SKIL: variants seen among roughly 807,000 people sequenced by gnomAD.
SKIL encodes the protein SKI like proto-oncogene.
Under a neutral mutation model 69.6 loss-of-function variants are expected in SKIL, and 20 were observed. The observed-to-expected ratio is 0.29, with a 90% CI of 0.20 to 0.42. SKIL has a LOEUF of 0.42. Ranked by LOEUF, SKIL falls within the 10% of genes least tolerant of loss-of-function variation. The pLI is 1.00. For missense variants in SKIL, 745 were observed against 783.1 expected, an observed-to-expected ratio of 0.95 and a Z score of 0.58; for synonymous variants, 310 against 279.9, an observed-to-expected ratio of 1.11 and a Z score of -1.08.
At chr3:170,381,148 A>G (rs1255069689) in intron 2 of SKIL, 96 bp from the exon 3 acceptor site, 4 of 720,528 alleles carry the variant, frequency 5.6e-6, no homozygotes, top group Non-Finnish European at 1.0e-5. Flanking sequence ...AAATAATGTT[A>G]GTTGTCTTTA....
chr3:170,381,535 C>G (rs978458351), intron 3 of SKIL, among the ~76,000 whole-genome samples, 194 bp downstream of exon 3: 4 of 151,996 alleles, frequency 2.6e-5, no homozygotes, highest in African/African-American at 9.7e-5. Flanking sequence ...CGGGTTCAAG[C>G]GATTCTCCTG....
intron 4 of SKIL, among the ~76,000 whole-genome samples, chr3:170,387,111 G>A (rs547098362): frequency 2.3e-3 from 348 of 151,816 alleles, no homozygotes; most frequent in South Asian, 3.3e-3. Context: ...TCTGCCTCCC[G>A]GGTTCAAGCG....
intron 2 of SKIL, among the ~76,000 whole-genome samples, chr3:170,376,886 A>G (rs1737059920): frequency 6.6e-6 from 1 of 152,162 alleles, no homozygotes; most frequent in Admixed American, 6.5e-5. Flanking sequence ...GGCCAACTCA[A>G]GATTCTTAAA....
rs1350604269 is a variant in SKIL, at chr3:170,395,082, G to C, written c.*2665G>C. On this transcript the variant is annotated 3_prime_UTR_variant, in exon 7 of 7. Transcript: ENST00000259119. ...AAAGGGACAACCTATAAAAAGTTTTGCTAGCTCATCTTTAGAAGGAAGAAA... is the reference window on the plus strand; with the variant it reads ...AAAGGGACAACCTATAAAAAGTTTTCCTAGCTCATCTTTAGAAGGAAGAAA... The C allele has an allele frequency of 6.6e-6, 1 of 152,126 alleles. No homozygotes were observed. The highest frequency in any genetic ancestry group is 1.5e-5 in the Non-Finnish European group (1 of 67,986). The allele number at this position is 152,126 out of a possible 1,614,324, so 9.4% of individuals were successfully genotyped here.
chr3:170,360,409 C>T lies in SKIL; in HGVS notation c.78C>T (p.Ser26=), dbSNP rs915851726. ...KKLNGMGDDG[S]PPAKKMITDI... is the part of the protein sequence containing the mutation. ...TGAATGGGATGGGAGATGATGGCAG[C>T]CCCCCAGCGAAAAAAATGATAACGG... is the stretch of plus-strand genomic sequence containing the variant. Residue 26 remains serine, a synonymous_variant, in exon 2 of 7, where the codon AGC becomes AGT. Transcript: ENST00000259119. 1.9e-6 allele frequency: 3 copies of T among 1,611,308 alleles called. No individual in the cohort carries two copies. Among genetic ancestry groups the T allele is most frequent in the African/African-American group, 1.3e-5 (1 of 74,848 alleles).
chr3:170,365,851 A>G (rs1489607170), intron 2 of SKIL, among the ~76,000 whole-genome samples: 2 of 147,576 alleles, frequency 1.4e-5, no homozygotes, highest in African/African-American at 2.5e-5. Context: ...CGCCTCCTGG[A>G]TTCAAGCGAT....
chr3:170,378,553 C>CTTTTTTTTTT lies in SKIL; in HGVS notation c.1099-2685_1099-2676dup, dbSNP rs373084445. ...TGGGAATTGGACTCTCTCTCTCTCTCTTTTTTTTTTTTTTTGGAGACAAAG... is the reference window on the plus strand; with the variant it reads ...TGGGAATTGGACTCTCTCTCTCTCTCTTTTTTTTTTTTTTTTTTTTTTTTTGGAGACAAAG... On this transcript the variant is annotated intron_variant, in intron 2 of 6. Transcript: ENST00000259119. Among the ~76,000 whole-genome samples, 27 of 118,994 alleles carry CTTTTTTTTTT rather than the reference C, an allele frequency of 2.3e-4. 3 individuals carry two copies. The highest frequency in any genetic ancestry group is 2.7e-4 in the East Asian group (1 of 3,764). The allele number at this position is 118,994 out of a possible 152,430, so 78.1% of individuals were successfully genotyped here.
intron 2 of SKIL, among the ~76,000 whole-genome samples, chr3:170,365,561 A>G (rs1353834169): frequency 6.6e-6 from 1 of 152,158 alleles, no homozygotes; most frequent in Non-Finnish European, 1.5e-5. Context: ...GATAAGGGAT[A>G]TTCAGCCTCT....
At chr3:170,359,484 G>C (rs1286230648) in intron 1 of SKIL, 1 of 152,004 alleles carries the variant, frequency 6.6e-6, no homozygotes. Flanking sequence ...TGTAGTCCCA[G>C]CTACTCCGGA....
In SKIL at chr3:170,361,083, C is replaced by T. The variant is rs1397497159; in HGVS notation, c.752C>T (p.Ser251Leu). ...GGTAGCGTACTTCCTGCTAAAAGCT[C>T]ATTGGCCCAGTTAAAGGAAACTGGC... Reference protein sequence around the residue: ...QNGSVLPAKSSLAQLKETGSA... With the variant: ...QNGSVLPAKSLLAQLKETGSA... The change falls in exon 2 of 7, where the codon TCA becomes TTA. Residue 251 changes from serine (S) to leucine (L), a missense_variant. By Grantham distance (145) the Ser-to-Leu change is moderately radical. Coordinates refer to ENST00000259119, the MANE Select transcript of SKIL (RefSeq NM_005414.5). 3 of 1,614,108 alleles carry T rather than the reference C, an allele frequency of 1.9e-6. No individual in the cohort carries two copies. In the African/African-American group the frequency reaches 4.0e-5, roughly 22 times the overall value.
intron 4 of SKIL, among the ~76,000 whole-genome samples, chr3:170,387,043 G>A (rs1261012568): frequency 6.6e-6 from 1 of 151,810 alleles, no homozygotes; most frequent in South Asian, 2.1e-4. Context: ...TTAAGATGGA[G>A]TTTCACTCTT....
chr3:170,387,151 G>A (rs1737674720), intron 4 of SKIL, among the ~76,000 whole-genome samples: 1 of 152,008 alleles, frequency 6.6e-6, no homozygotes, highest in Non-Finnish European at 1.5e-5. Flanking sequence ...CTGAGTAGCT[G>A]GGATTACAGG....
intron 2 of SKIL, among the ~76,000 whole-genome samples, chr3:170,362,010 C>T (rs930287497): frequency 4.6e-5 from 7 of 152,138 alleles, no homozygotes; most frequent in African/African-American, 1.7e-4. Flanking sequence ...ACAATGGCCA[C>T]AATTCCCGTG....
chr3:170,384,418 G>T, intron 3 of SKIL, 115 bp from the exon 4 acceptor site: 14 of 557,072 alleles, frequency 2.5e-5, no homozygotes, highest in South Asian at 1.1e-4. Flanking sequence ...TTGTAATATT[G>T]TCTGTTTTGG....
At position 170,396,058 on chromosome 3, in the gene SKIL, T is replaced by C. The variant is rs1422669072; in HGVS notation, c.*3641T>C. 1.3e-5 allele frequency: 2 copies of C among 151,084 alleles called. No homozygotes were observed. Among genetic ancestry groups the C allele is most frequent in the Non-Finnish European group, 3.0e-5 (2 of 67,750 alleles). 9.4% of individuals were successfully genotyped at this position (151,084 alleles called of 1,614,324 possible). ...CCATTCATTGAAATGGTTTCTAAAC[T>C]GTATAATGTAATTTGGAGCCTATTT... On this transcript the variant is annotated 3_prime_UTR_variant, in exon 7 of 7. Transcript: ENST00000259119.
At chr3:170,389,857 T>G (rs1032110161) in intron 4 of SKIL, among the ~76,000 whole-genome samples, 1 of 152,236 alleles carries the variant, frequency 6.6e-6, no homozygotes, top group African/African-American at 2.4e-5. Flanking sequence ...ATTTTGGGTT[T>G]GTTGCATTTC....
chr3:170,381,711 G>T (rs1398289293), intron 3 of SKIL, among the ~76,000 whole-genome samples: 1 of 152,074 alleles, frequency 6.6e-6, no homozygotes, highest in Non-Finnish European at 1.5e-5. Context: ...GGGATTACAG[G>T]TGTGAGCCAC....
intron 2 of SKIL, among the ~76,000 whole-genome samples, chr3:170,373,305 T>G (rs775501172): frequency 2.6e-5 from 4 of 152,146 alleles, no homozygotes; most frequent in Non-Finnish European, 5.9e-5. Context: ...TAGCTGGGAT[T>G]ACAGGCATGA....
chr3:170,357,730 G>A lies in SKIL; in HGVS notation c.-667G>A, dbSNP rs1232260053. 1 of 163,552 alleles carries A rather than the reference G, an allele frequency of 6.1e-6. No homozygotes were observed. 10.1% of individuals were successfully genotyped at this position (163,552 alleles called of 1,614,324 possible). On this transcript the variant is annotated 5_prime_UTR_variant, in exon 1 of 7. Transcript: ENST00000259119. ...CCGCGCCGGCACAGCCGAAGGGAGC[G>A]GGCGAGCGGCGACGGCGGCGGCGGC... is the stretch of plus-strand genomic sequence containing the variant.
Sources: gnomAD v4.1 joint callset for allele counts (sites outside exome capture counted in the v4.1 genomes callset) on GRCh38, gnomAD v4.1.1 for gene constraint, MANE v1.5 for transcripts, NCBI Gene and HGNC (gene_info 2026-07-23, HGNC 2026-07-21) for gene names.